The following PINX1 variants were observed in gnomAD, a reference collection of about 807,000 sequenced individuals.
The protein encoded by PINX1 is PIN2/TERF1-interacting telomerase inhibitor 1.
In PINX1, 34 loss-of-function variants were observed where a neutral mutation model predicts 25.4. The observed-to-expected ratio is 1.34, with a 90% CI of 1.02 to 1.78. The LOEUF (loss-of-function observed/expected upper bound fraction) is 1.78, where lower values mean the gene tolerates loss of function less well. PINX1 is among the 40% of genes most tolerant of loss of function. PINX1 has a pLI of 0.00. For synonymous variants in PINX1, 197 were observed against 147.7 expected (o/e 1.33, Z -2.42); for missense variants, 592 against 404.9 (o/e 1.46, Z -3.97).
intron 6 of PINX1, among the ~76,000 whole-genome samples, chr8:10,796,143 G>C (rs1310253723): frequency 6.6e-6 from 1 of 152,128 alleles, no homozygotes; most frequent in East Asian, 1.9e-4. Flanking sequence ...TAATGACTTA[G>C]AAGAGCACAG....
chr8:10,794,868 C>G (rs1051304191), intron 6 of PINX1, among the ~76,000 whole-genome samples: 2 of 152,162 alleles, frequency 1.3e-5, no homozygotes, highest in Non-Finnish European at 2.9e-5. Flanking sequence ...CTCTGAATTC[C>G]TCCCAGGAAC....
At chr8:10,766,988 AACTCTGCCCACAGAG>A (rs539086835) in intron 6 of PINX1, among the ~76,000 whole-genome samples, 114 of 152,318 alleles carry the variant, frequency 7.5e-4, no homozygotes, top group African/African-American at 2.5e-3. Flanking sequence ...TGTCTGCAGC[AACTCTGCCCACAGAG>A]ACTCTGGAAA....
intron 5 of PINX1, chr8:10,825,525 GACA>G (rs1317950095): frequency 1.9e-6 from 1 of 523,838 alleles, no homozygotes; most frequent in African/African-American, 1.9e-5. Context: ...AGTGGCTGAA[GACA>G]ACAACCGCAT....
chr8:10,788,569 A>G (rs1466756072), intron 6 of PINX1, among the ~76,000 whole-genome samples: 1 of 152,148 alleles, frequency 6.6e-6, no homozygotes, highest in East Asian at 1.9e-4. Context: ...TGTCTCAAAA[A>G]AAAAACAGGA....
chr8:10,834,072 T>G (rs1198962388), intron 2 of PINX1, among the ~76,000 whole-genome samples: 1 of 152,070 alleles, frequency 6.6e-6, no homozygotes, highest in African/African-American at 2.4e-5. Flanking sequence ...AGGGAATGAA[T>G]GAGATCACTG....
At chr8:10,810,472 A>G (rs113757764) in intron 6 of PINX1, among the ~76,000 whole-genome samples, 9 of 152,318 alleles carry the variant, frequency 5.9e-5, no homozygotes, top group Middle Eastern at 3.4e-3. Context: ...CTCAGTGAGC[A>G]TGAGCAGCTC....
Position 10,765,164 on chromosome 8 carries a change from G to C in PINX1, c.*237C>G. On this transcript the variant is annotated 3_prime_UTR_variant, in exon 7 of 7. Transcript: ENST00000314787. ...AAACTCTCTTGCTGAAGGGCTCAGA[G>C]TTTACAAAAAAATTTATTTGTGTCT... 1 of 519,502 alleles carries C rather than the reference G, an allele frequency of 1.9e-6. No homozygotes were observed. Among genetic ancestry groups the C allele is most frequent in the Non-Finnish European group, 3.4e-6 (1 of 296,588 alleles). The allele number at this position is 519,502 out of a possible 1,614,324, so 32.2% of individuals were successfully genotyped here.
At chr8:10,836,813 G>A (rs939560228) in intron 1 of PINX1, among the ~76,000 whole-genome samples, 1 of 152,172 alleles carries the variant, frequency 6.6e-6, no homozygotes, top group Non-Finnish European at 1.5e-5. Flanking sequence ...GGAGGCCAGA[G>A]CAGGCCTGCC....
chr8:10,781,413 C>G (rs1801581428), intron 6 of PINX1, among the ~76,000 whole-genome samples: 1 of 152,126 alleles, frequency 6.6e-6, no homozygotes, highest in South Asian at 2.1e-4. Flanking sequence ...AAAAGGCAAC[C>G]TACAAATTAG....
chr8:10,836,946 CAATTGGAT>C (rs35941909), intron 1 of PINX1, among the ~76,000 whole-genome samples: 59,854 of 151,664 alleles, frequency 0.39, 13,526 homozygotes, highest in African/African-American at 0.63. Flanking sequence ...TGAGCTGTTC[CAATTGGAT>C]CACCTTTTAC....
intron 5 of PINX1, among the ~76,000 whole-genome samples, chr8:10,822,665 G>C (rs1479921043): frequency 6.6e-6 from 1 of 152,170 alleles, no homozygotes; most frequent in Admixed American, 6.5e-5. Flanking sequence ...ACAATACCAA[G>C]AAATACACAT....
chr8:10,774,006 T>C (rs1226910193), intron 6 of PINX1, among the ~76,000 whole-genome samples: 1 of 152,202 alleles, frequency 6.6e-6, no homozygotes, highest in East Asian at 1.9e-4. Flanking sequence ...CCAAATTGAC[T>C]GCATTTTATA....
intron 6 of PINX1, among the ~76,000 whole-genome samples, chr8:10,781,902 T>C (rs769830297): frequency 1.1e-4 from 16 of 151,988 alleles, no homozygotes; most frequent in Non-Finnish European, 2.4e-4. Flanking sequence ...CCGCAGCAGT[T>C]TGCATAATAG....
chr8:10,832,895 A>G lies in PINX1; in HGVS notation c.219T>C (p.Asn73=). Residue 73 remains asparagine, a synonymous_variant, in exon 3 of 7, where the codon AAT becomes AAC. Coordinates refer to ENST00000314787, the MANE Select transcript of PINX1 (RefSeq NM_017884.6). The part of the protein sequence containing the change: ...NHLGLGATIN[N]EDNWIAHQDD... ...GGAGGCACACACTGCTGCTCACTTC[A>G]TTATTGATGGTAGCTCCGAGTCCCA... The G allele has an allele frequency of 1.9e-6, 3 of 1,599,228 alleles. No homozygotes were observed. Among genetic ancestry groups the G allele is most frequent in the South Asian group, 2.2e-5 (2 of 90,144 alleles).
chr8:10,801,825 G>A (rs959153725), intron 6 of PINX1, among the ~76,000 whole-genome samples: 1 of 152,170 alleles, frequency 6.6e-6, no homozygotes, highest in Non-Finnish European at 1.5e-5. Context: ...ACTGCCAGGA[G>A]AACAGATTTG....
intron 5 of PINX1, 165 bp from the exon 6 acceptor site, chr8:10,820,434 A>G: frequency 1.5e-6 from 1 of 662,458 alleles, no homozygotes; most frequent in East Asian, 2.7e-5. Flanking sequence ...CTCTTTCATT[A>G]GTAAACAAAA....
At chr8:10,773,591 C>T (rs972542784) in intron 6 of PINX1, among the ~76,000 whole-genome samples, 4 of 152,208 alleles carry the variant, frequency 2.6e-5, no homozygotes, top group Non-Finnish European at 4.4e-5. Flanking sequence ...TAGAGAAATA[C>T]ACAGAATGCC....
intron 6 of PINX1, among the ~76,000 whole-genome samples, chr8:10,775,419 T>TTTTG (rs1801360522): frequency 6.8e-6 from 1 of 147,014 alleles, no homozygotes; most frequent in South Asian, 2.3e-4. Context: ...GGTTTTTTTT[T>TTTTG]TTTTTTTTTT....
intron 6 of PINX1, among the ~76,000 whole-genome samples, chr8:10,817,868 T>A (rs1405666917): frequency 6.6e-6 from 1 of 152,228 alleles, no homozygotes; most frequent in African/African-American, 2.4e-5. Flanking sequence ...GCTATCCCCG[T>A]GTTCTCAACC....
Sources: gnomAD v4.1 joint callset for allele counts (sites outside exome capture counted in the v4.1 genomes callset) on GRCh38, gnomAD v4.1.1 for gene constraint, MANE v1.5 for transcripts, NCBI Gene and HGNC (gene_info 2026-07-23, HGNC 2026-07-21) for gene names.